GPC5: variants seen among roughly 807,000 people sequenced by gnomAD.
The protein encoded by GPC5 is glypican-5.
GPC5 carries 47 observed loss-of-function variants against 53.9 expected under a neutral mutation model. The ratio of observed to expected loss-of-function variants is 0.87; its 90% confidence interval spans 0.69 to 1.11. The LOEUF (loss-of-function observed/expected upper bound fraction) is 1.11, where lower values mean the gene tolerates loss of function less well. GPC5 is among the 50% of genes most tolerant of loss of function. GPC5 has a pLI of 0.00. For missense variants in GPC5, 748 were observed against 713.1 expected, an observed-to-expected ratio of 1.05 and a Z score of -0.56; for synonymous variants, 286 against 263.3, an observed-to-expected ratio of 1.09 and a Z score of -0.84.
chr13:92,338,919 T>A (rs990959530), intron 7 of GPC5, among the ~76,000 whole-genome samples: 7 of 152,122 alleles, frequency 4.6e-5, no homozygotes, highest in African/African-American at 1.4e-4. Context: ...CAATATAGAT[T>A]CATCAATTAA....
intron 6 of GPC5, among the ~76,000 whole-genome samples, chr13:92,072,336 G>A (rs1350063337): frequency 2.7e-5 from 4 of 150,904 alleles, no homozygotes; most frequent in Admixed American, 6.6e-5. Flanking sequence ...GTATGATCTC[G>A]GCTCACTGCA....
At chr13:92,174,013 G>A (rs1035613228) in intron 7 of GPC5, among the ~76,000 whole-genome samples, 1 of 152,088 alleles carries the variant, frequency 6.6e-6, no homozygotes, top group Non-Finnish European at 1.5e-5. Flanking sequence ...GTTGAGGTGG[G>A]AGGATCACTT....
At chr13:92,589,642 T>C (rs748885922) in intron 7 of GPC5, among the ~76,000 whole-genome samples, 9 of 152,222 alleles carry the variant, frequency 5.9e-5, no homozygotes, top group Non-Finnish European at 1.2e-4. Flanking sequence ...TTTCTAAATA[T>C]TGCTTTGCCA....
intron 2 of GPC5, among the ~76,000 whole-genome samples, chr13:91,566,126 G>C (rs1340104502): frequency 1.3e-5 from 2 of 152,128 alleles, no homozygotes; most frequent in East Asian, 1.9e-4. Context: ...GGTCACATGT[G>C]TAGGCTTCAA....
chr13:92,187,112 C>CA lies in GPC5; in HGVS notation c.1561+42137dup, dbSNP rs56963503. 1.9e-3 allele frequency among the ~76,000 whole-genome samples: 268 copies of CA among 138,550 alleles called. 3 individuals carry two copies. The highest frequency in any genetic ancestry group is 8.0e-3 in the Middle Eastern group (2 of 250). 90.9% of individuals were successfully genotyped at this position (138,550 alleles called of 152,430 possible). A position where few individuals can be genotyped will look rare whatever the true frequency, so the allele number is the denominator to read the frequency against. On this transcript the variant is annotated intron_variant, in intron 7 of 7. Coordinates refer to ENST00000377067, the MANE Select transcript of GPC5 (RefSeq NM_004466.6). ...GGGTGACAAGAGCAAAACTCCATCT[C>CA]AAAAAAAAAAAAAATTACTTCTGAA...
Position 91,595,293 on chromosome 13 carries a change from C to T in GPC5, c.326-97894C>T, listed in dbSNP as rs75929980. 9.1e-3 allele frequency among the ~76,000 whole-genome samples: 1,389 copies of T among 152,148 alleles called. 26 individuals carry two copies. The highest frequency in any genetic ancestry group is 0.031 in the African/African-American group (1,308 of 41,530). The stretch of plus-strand genomic sequence containing the variant: ...CCTTCCAAAGTGCTGGGACTACAGG[C>T]GTGAGGCACCGTGCCCGGCCCCTTA... On this transcript the variant is annotated intron_variant, in intron 2 of 7. Transcript: ENST00000377067.
intron 6 of GPC5, chr13:91,995,968 C>T (rs902676926): frequency 6.6e-6 from 1 of 152,182 alleles, no homozygotes; most frequent in African/African-American, 2.4e-5. Flanking sequence ...TGCTCTTAGA[C>T]AAGTGCATTA....
chr13:91,582,973 C>G (rs545967850), intron 2 of GPC5, among the ~76,000 whole-genome samples: 1 of 152,096 alleles, frequency 6.6e-6, no homozygotes, highest in East Asian at 1.9e-4. Flanking sequence ...TGCACCCCAG[C>G]CTGTTTAACA....
intron 7 of GPC5, among the ~76,000 whole-genome samples, chr13:92,648,464 G>T (rs913957752): frequency 2.0e-5 from 3 of 151,980 alleles, no homozygotes; most frequent in African/African-American, 7.2e-5. Context: ...CCAAAGTAAA[G>T]CCACCTCCTA....
At position 92,457,982 on chromosome 13, in the gene GPC5, T is replaced by C. The variant is rs147957335; in HGVS notation, c.1561+312993T>C. Among the ~76,000 whole-genome samples the C allele has an allele frequency of 3.3e-5, 5 of 152,186 alleles. No individual in the cohort carries two copies. In the East Asian group the frequency reaches 9.7e-4, roughly 30 times the overall value. ...ATTGTCCCGGCATGCTGTTGCTAAATTGAGGTAATCAAGAGAAGATGAAGT... is the reference window on the plus strand; with the variant it reads ...ATTGTCCCGGCATGCTGTTGCTAAACTGAGGTAATCAAGAGAAGATGAAGT... On this transcript the variant is annotated intron_variant, in intron 7 of 7. Coordinates refer to ENST00000377067, the MANE Select transcript of GPC5 (RefSeq NM_004466.6).
At chr13:92,412,895 G>A (rs1876111535) in intron 7 of GPC5, among the ~76,000 whole-genome samples, 1 of 152,096 alleles carries the variant, frequency 6.6e-6, no homozygotes, top group Non-Finnish European at 1.5e-5. Context: ...AAACATGGAG[G>A]CAGTTGCTGG....
chr13:92,518,092 GA>G (rs1187309207), intron 7 of GPC5, among the ~76,000 whole-genome samples: 1 of 151,792 alleles, frequency 6.6e-6, no homozygotes, highest in Admixed American at 6.6e-5. Context: ...AGAGTAAAAA[GA>G]AACGAACAAA....
intron 6 of GPC5, among the ~76,000 whole-genome samples, chr13:92,138,775 G>A (rs2041806255): frequency 6.6e-6 from 1 of 152,182 alleles, no homozygotes; most frequent in East Asian, 1.9e-4. Flanking sequence ...ACAGCACAGA[G>A]CATAGGGGAG....
chr13:91,586,586 A>G (rs1408021165), intron 2 of GPC5, among the ~76,000 whole-genome samples: 28 of 119,966 alleles, frequency 2.3e-4, no homozygotes, highest in African/African-American at 8.1e-4. Context: ...AGAGAGAGAG[A>G]GAGAGGGAGA....
intron 2 of GPC5, among the ~76,000 whole-genome samples, chr13:91,666,961 G>A (rs1230394768): frequency 6.6e-6 from 1 of 152,022 alleles, no homozygotes; most frequent in Non-Finnish European, 1.5e-5. Context: ...AATGTAAATA[G>A]TGATGATAGA....
At chr13:91,710,390 A>C (rs1387453436) in intron 3 of GPC5, among the ~76,000 whole-genome samples, 4 of 152,222 alleles carry the variant, frequency 2.6e-5, no homozygotes, top group Non-Finnish European at 4.4e-5. Flanking sequence ...CTTCCATTTA[A>C]ACTTTTATGC....
At chr13:91,629,149 C>T (rs965060338) in intron 2 of GPC5, among the ~76,000 whole-genome samples, 2 of 152,064 alleles carry the variant, frequency 1.3e-5, no homozygotes, top group Admixed American at 1.3e-4. Flanking sequence ...ATTTCTGGTT[C>T]ACACTGAAGC....
At chr13:91,759,992 A>C (rs866602637) in intron 5 of GPC5, among the ~76,000 whole-genome samples, 26 of 152,250 alleles carry the variant, frequency 1.7e-4, no homozygotes, top group South Asian at 6.2e-4. Context: ...TTTAGGACAA[A>C]GTACTAGGGG....
At chr13:92,636,356 AC>A (rs1885404846) in intron 7 of GPC5, among the ~76,000 whole-genome samples, 1 of 152,188 alleles carries the variant, frequency 6.6e-6, no homozygotes, top group African/African-American at 2.4e-5. Context: ...ACATCAGTAA[AC>A]AAAGAGTTTT....
Sources: allele counts gnomAD v4.1 joint callset (sites outside exome capture counted in the v4.1 genomes callset), GRCh38; gene constraint gnomAD v4.1.1; transcripts MANE v1.5; gene names NCBI Gene and HGNC (gene_info 2026-07-23, HGNC 2026-07-21).